The following TMEM143 variants were observed in gnomAD, a reference collection of about 807,000 sequenced individuals.
TMEM143 encodes transmembrane protein 143.
Under a neutral mutation model 40.3 loss-of-function variants are expected in TMEM143, and 45 were observed. The observed-to-expected ratio is 1.12, with a 90% CI of 0.88 to 1.43. TMEM143 has a LOEUF of 1.43. Among genes scored for constraint, TMEM143 ranks in the 40% most tolerant of loss-of-function variants. TMEM143 has a pLI of 0.00. For synonymous variants in TMEM143, 299 were observed against 282.7 expected (o/e 1.06, Z -0.58); for missense variants, 620 against 613.4 (o/e 1.01, Z -0.11).
At chr19:48,346,632 C>T (rs549125618) in intron 3 of TMEM143, among the ~76,000 whole-genome samples, 199 of 152,104 alleles carry the variant, frequency 1.3e-3, no homozygotes, top group African/African-American at 4.6e-3. Context: ...GGGTGGAGTG[C>T]AATGGCATGA....
chr19:48,345,490 C>T (rs1259282560), intron 3 of TMEM143, 136 bp from the exon 4 acceptor site: 9 of 476,198 alleles, frequency 1.9e-5, no homozygotes, highest in African/African-American at 4.5e-5. Context: ...GATAGAGTCT[C>T]GCTCTGTTGC....
chr19:48,341,064 C>T (rs1177931878), intron 6 of TMEM143, among the ~76,000 whole-genome samples: 2 of 152,220 alleles, frequency 1.3e-5, no homozygotes, highest in African/African-American at 4.8e-5. Flanking sequence ...TATTACCAGC[C>T]TTCCTAAGAG....
intron 3 of TMEM143, among the ~76,000 whole-genome samples, chr19:48,359,505 CTT>C (rs1168811512): frequency 8.1e-5 from 11 of 135,942 alleles, no homozygotes; most frequent in African/African-American, 2.7e-4. Flanking sequence ...TCTCACCCCT[CTT>C]TGTTTTTTTT....
chr19:48,357,479 G>A (rs940482077), intron 3 of TMEM143, among the ~76,000 whole-genome samples: 2 of 148,438 alleles, frequency 1.3e-5, no homozygotes, highest in African/African-American at 2.5e-5. Context: ...TCAGCCTCCC[G>A]AGTAGCTGGG....
Position 48,334,093 on chromosome 19 carries a change from G to T in TMEM143, c.1080C>A (p.Arg360=). The T allele has an allele frequency of 6.3e-7, 1 of 1,593,130 alleles. No homozygotes were observed. The highest frequency in any genetic ancestry group is 8.5e-7 in the Non-Finnish European group (1 of 1,170,998). ...CCTCCTTGGTGTGCTCGTCCTGCGC[G>T]CGCAGGGCCAGGGCGCTGAGCAGCT... ...NSELLSALAL[R]AQDEHTKEAL... Residue 360 remains arginine, a synonymous_variant, in exon 7 of 8, where the codon CGC becomes CGA. Coordinates refer to ENST00000293261, the MANE Select transcript of TMEM143 (RefSeq NM_018273.4).
intron 4 of TMEM143, among the ~76,000 whole-genome samples, chr19:48,344,284 T>A (rs1600906104): frequency 6.6e-6 from 1 of 151,726 alleles, no homozygotes; most frequent in South Asian, 2.1e-4. Flanking sequence ...GTGTGTGTGT[T>A]TTGTTTTGTT....
At position 48,334,422 on chromosome 19, in the gene TMEM143, CTTTCTTTCTT is replaced by C. The variant is rs1969300073; in HGVS notation, c.976-235_976-226del. ...TCTTTTTCTTTCTTTTTCTCTCTTT[CTTTCTTTCTT>C]TCTTTCTTTCTTTCTTTCTTTCTTT... On this transcript the variant is annotated intron_variant, in intron 6 of 7. Coordinates refer to ENST00000293261, the MANE Select transcript of TMEM143 (RefSeq NM_018273.4). Among the ~76,000 whole-genome samples, 24 of 30,462 alleles carry C rather than the reference CTTTCTTTCTT, an allele frequency of 7.9e-4. 1 individual carries two copies. Among genetic ancestry groups the C allele is most frequent in the Admixed American group, 6.0e-3 (22 of 3,680 alleles). 20.0% of individuals were successfully genotyped at this position (30,462 alleles called of 152,430 possible). A position where few individuals can be genotyped will look rare whatever the true frequency, so the allele number is the denominator to read the frequency against.
rs756680053 is a variant in TMEM143 at position 48,343,456 on chromosome 19, C to T, written c.565-5G>A. The T allele has an allele frequency of 1.5e-5, 23 of 1,571,456 alleles. 1 individual carries two copies. The African/African-American group carries it at 1.9e-4, about 13-fold the overall frequency. On this transcript the variant is annotated splice_polypyrimidine_tract_variant and splice_region_variant and intron_variant, in intron 4 of 7. Transcript: ENST00000293261. ...CTGATCCAAATTTACTGTCACCTGC[C>T]GGGGGGATGAAGGAAGCAGTGGCGG...
intron 6 of TMEM143, among the ~76,000 whole-genome samples, chr19:48,334,455 TTTCTTTCTTTC>T (rs1396989552): frequency 8.7e-5 from 4 of 45,716 alleles, no homozygotes; most frequent in African/African-American, 3.6e-4. Flanking sequence ...TCTTTCTTTC[TTTCTTTCTTTC>T]TTTCTTTCTT....
intron 3 of TMEM143, among the ~76,000 whole-genome samples, chr19:48,347,038 T>G (rs12980877): frequency 6.6e-6 from 1 of 152,148 alleles, no homozygotes; most frequent in African/African-American, 2.4e-5. Context: ...CAAACTGGCA[T>G]CTAACCTGCC....
At chr19:48,338,470 C>G (rs147836786) in intron 6 of TMEM143, among the ~76,000 whole-genome samples, 1 of 152,250 alleles carries the variant, frequency 6.6e-6, no homozygotes. Flanking sequence ...CTGAAAAAGC[C>G]GGTTTACCCT....
Position 48,363,374 on chromosome 19 carries a change from T to C in TMEM143, c.181A>G (p.Arg61Gly). Residue 61 changes from arginine (R) to glycine (G), a missense_variant, in exon 2 of 8, where the codon AGG (arginine) becomes GGG (glycine). Physicochemically the swap from Arg to Gly is moderately radical, Grantham distance 125. Transcript: ENST00000293261. ...MGEYRKMWNP[R>G]EPRDWAQQYR... ...TGCTGGGCCCAGTCGCGGGGCTCCCTGGGGTTCCACATCTTGCGATACTCC... is the reference window on the plus strand; with the variant it reads ...TGCTGGGCCCAGTCGCGGGGCTCCCCGGGGTTCCACATCTTGCGATACTCC... 1 of 1,614,124 alleles carries C rather than the reference T, an allele frequency of 6.2e-7. No homozygotes were observed.
chr19:48,336,480 G>T (rs1160252338), intron 6 of TMEM143, among the ~76,000 whole-genome samples: 1 of 151,604 alleles, frequency 6.6e-6, no homozygotes, highest in Non-Finnish European at 1.5e-5. Context: ...AGCCAGGATT[G>T]CGCCACTGCA....
intron 6 of TMEM143, among the ~76,000 whole-genome samples, chr19:48,334,628 C>T (rs947124620): frequency 7.7e-6 from 1 of 130,668 alleles, no homozygotes; most frequent in Admixed American, 9.5e-5. Flanking sequence ...GTAGCCCAGT[C>T]TGGAGTTCAG....
At chr19:48,359,974 A>G (rs1428712140) in intron 3 of TMEM143, 98 bp downstream of exon 3, 3 of 1,245,540 alleles carry the variant, frequency 2.4e-6, no homozygotes, top group Non-Finnish European at 3.4e-6. Flanking sequence ...CCCAGCACTT[A>G]AAATAAGGGC....
chr19:48,340,121 ATTT>A (rs11369636), intron 6 of TMEM143, among the ~76,000 whole-genome samples: 12,163 of 98,510 alleles, frequency 0.12, 589 homozygotes, highest in Middle Eastern at 0.21. Context: ...GTCAACTGGG[ATTT>A]TTTTTTTTTT....
Position 48,333,250 on chromosome 19 carries a change from G to A in TMEM143, c.1349C>T (p.Pro450Leu). Residue 450 changes from proline (P) to leucine (L), a missense_variant, in exon 8 of 8, where the codon CCG becomes CTG. Coordinates refer to ENST00000293261, the MANE Select transcript of TMEM143 (RefSeq NM_018273.4). This position sits in a 1 kb window ranked among gnomAD's most constrained non-coding sequence, Gnocchi z 4.1. ...GATGTTACTGCTGGGCGTGGCTTGC[G>A]GGGGCTCGGAAGTGATCGGAGCCAC... ...DPVAPITSEP[P>L]QATPSSNIS 1 of 1,493,036 alleles carries A rather than the reference G, an allele frequency of 6.7e-7. No homozygotes were observed. Among genetic ancestry groups the A allele is most frequent in the Non-Finnish European group, 9.0e-7 (1 of 1,106,412 alleles). The allele number at this position is 1,493,036 out of a possible 1,614,324, so 92.5% of individuals were successfully genotyped here.
chr19:48,349,724 A>C (rs1258914107), intron 3 of TMEM143, among the ~76,000 whole-genome samples: 1 of 152,016 alleles, frequency 6.6e-6, no homozygotes, highest in Non-Finnish European at 1.5e-5. Flanking sequence ...GTGGTTGGGC[A>C]GGATGTACAC....
chr19:48,333,477 G>A lies in TMEM143; in HGVS notation c.1166-44C>T. ...GTGTTCTGAGGTCACACTGAGATCG[G>A]GGAAGATTCGAGGGAGCAGCAAGGA... On this transcript the variant is annotated intron_variant, in intron 7 of 7. Coordinates refer to ENST00000293261, the MANE Select transcript of TMEM143 (RefSeq NM_018273.4). The surrounding 1 kb of genome is among the most constrained non-coding windows in gnomAD (Gnocchi z 4.1). 1 of 1,394,308 alleles carries A rather than the reference G, an allele frequency of 7.2e-7. No individual in the cohort carries two copies. The highest frequency in any genetic ancestry group is 9.9e-7 in the Non-Finnish European group (1 of 1,010,242). 86.4% of individuals were successfully genotyped at this position (1,394,308 alleles called of 1,614,324 possible).
Sources: gnomAD v4.1 joint callset for allele counts (sites outside exome capture counted in the v4.1 genomes callset) on GRCh38, gnomAD v4.1.1 for gene constraint, Gnocchi (gnomAD v3.1) non-coding constraint, MANE v1.5 for transcripts, NCBI Gene and HGNC (gene_info 2026-07-23, HGNC 2026-07-21) for gene names.